RMDN2: variants seen among roughly 807,000 people sequenced by gnomAD.
RMDN2 encodes the protein regulator of microtubule dynamics protein 2.
A neutral mutation model predicts 52.8 loss-of-function variants in RMDN2; 61 were observed. The observed-to-expected ratio is 1.16, with a 90% CI of 0.94 to 1.43. RMDN2 has a LOEUF of 1.43. Ranked by LOEUF, RMDN2 falls within the 40% of genes most tolerant of loss-of-function variation. RMDN2 has a pLI of 0.00. For missense variants in RMDN2, 592 were observed against 475.3 expected (o/e 1.25, Z -2.28); for synonymous variants, 180 against 153.1 (o/e 1.18, Z -1.30).
At chr2:37,982,226 A>G (rs1184648651) in intron 5 of RMDN2, among the ~76,000 whole-genome samples, 1 of 152,100 alleles carries the variant, frequency 6.6e-6, no homozygotes, top group Non-Finnish European at 1.5e-5. Flanking sequence ...TGCCCCACCA[A>G]AATCTGAAGT....
chr2:38,005,800 T>G lies in RMDN2; in HGVS notation c.1179+1584T>G, dbSNP rs1676994176. On this transcript the variant is annotated intron_variant, in intron 10 of 10. Coordinates refer to ENST00000354545, the MANE Select transcript of RMDN2 (RefSeq NM_001170791.3). The stretch of plus-strand genomic sequence containing the variant: ...CCCATGCCTATGTCCTGAATGGTAG[T>G]GCCTAAGTTTTCTCCTAGGGTTTTT... Among the ~76,000 whole-genome samples the G allele has an allele frequency of 3.9e-5, 6 of 152,356 alleles. No individual in the cohort carries two copies. The South Asian group carries it at 1.2e-3, about 32-fold the overall frequency.
chr2:37,971,600 C>G (rs1442807513), intron 2 of RMDN2, among the ~76,000 whole-genome samples: 1 of 151,770 alleles, frequency 6.6e-6, no homozygotes, highest in Non-Finnish European at 1.5e-5. Context: ...AACAATTTTT[C>G]CCATCTGAAT....
chr2:38,011,009 A>G (rs1677907236), intron 10 of RMDN2, among the ~76,000 whole-genome samples: 1 of 152,198 alleles, frequency 6.6e-6, no homozygotes, highest in Non-Finnish European at 1.5e-5. Context: ...GACAGCAGGG[A>G]GTGAAGCAAG....
At position 37,981,319 on chromosome 2, in the gene RMDN2, C is replaced by A; in HGVS notation, c.767C>A (p.Pro256His). The part of the protein sequence containing the change: ...TLSERAINRA[P>H]MNGHCHLWYA... ...AGTGAAAGAGCTATTAATAGAGCAC[C>A]CATGAATGGACATTGTCATCTGTGG... The change falls in exon 5 of 11, where the codon CCC becomes CAC. Residue 256 changes from proline (P) to histidine (H), a missense_variant. Pro to His is a moderately conservative substitution (Grantham distance 77). Coordinates refer to ENST00000354545, the MANE Select transcript of RMDN2 (RefSeq NM_001170791.3). The A allele has an allele frequency of 3.1e-6, 5 of 1,607,298 alleles. No individual in the cohort carries two copies. Among genetic ancestry groups the A allele is most frequent in the Non-Finnish European group, 4.3e-6 (5 of 1,173,912 alleles).
chr2:37,978,564 G>A (rs1444026791), intron 4 of RMDN2, among the ~76,000 whole-genome samples: 1 of 152,100 alleles, frequency 6.6e-6, no homozygotes, highest in Non-Finnish European at 1.5e-5. Context: ...AGTGGCTCAT[G>A]CCTGTAATCC....
At chr2:38,062,868 T>A (rs1343018762) in intron 10 of RMDN2, among the ~76,000 whole-genome samples, 4 of 147,194 alleles carry the variant, frequency 2.7e-5, no homozygotes, top group Non-Finnish European at 6.0e-5. Flanking sequence ...ACATGCGGTG[T>A]TTGGTTTTTT....
chr2:38,024,923 T>C (rs1679665465), intron 10 of RMDN2, among the ~76,000 whole-genome samples: 1 of 152,286 alleles, frequency 6.6e-6, no homozygotes, highest in East Asian at 1.9e-4. Context: ...CCACATCATG[T>C]TGATTAATGT....
chr2:37,924,870 T>C (rs1293510557), upstream of RMDN2, among the ~76,000 whole-genome samples: 4 of 152,176 alleles, frequency 2.6e-5, no homozygotes, highest in Non-Finnish European at 5.9e-5. Flanking sequence ...GCTGCAGATA[T>C]CAGTAATTAG....
intron 10 of RMDN2, among the ~76,000 whole-genome samples, chr2:38,014,055 A>AC (rs1678389011): frequency 2.0e-5 from 3 of 151,992 alleles, no homozygotes; most frequent in African/African-American, 7.3e-5. Context: ...AAAAAAAAAA[A>AC]CACAAAATTA....
In RMDN2 at chr2:37,929,553, A is replaced by C. The variant is rs1666552959; in HGVS notation, c.276A>C (p.Glu92Asp). 1.9e-6 allele frequency: 3 copies of C among 1,551,898 alleles called. No individual in the cohort carries two copies. Among genetic ancestry groups the C allele is most frequent in the Non-Finnish European group, 2.6e-6 (3 of 1,147,004 alleles). ...CAAATATGGAAGAACTCAAAGAGGA[A>C]ATCAGATTTCTTAAAGAAGCTATTC... Reference protein sequence around the residue: ...LLTNMEELKEEIRFLKEAIPK... With the variant: ...LLTNMEELKEDIRFLKEAIPK... The change falls in exon 2 of 11, where the codon GAA (glutamate) becomes GAC (aspartate). Residue 92 changes from glutamate to aspartate, a missense_variant. Physicochemically the swap from Glu to Asp is conservative, Grantham distance 45. Coordinates refer to ENST00000354545, the MANE Select transcript of RMDN2 (RefSeq NM_001170791.3).
chr2:37,981,671 T>C (rs4670802), intron 5 of RMDN2, among the ~76,000 whole-genome samples: 43,544 of 152,090 alleles, frequency 0.29, 6,792 homozygotes, highest in East Asian at 0.64. Flanking sequence ...AGCATGTTTC[T>C]AAATGAAATG....
intron 10 of RMDN2, among the ~76,000 whole-genome samples, chr2:38,058,057 T>C (rs1681910151): frequency 6.6e-6 from 1 of 152,190 alleles, no homozygotes. Flanking sequence ...CCCAGGAAAA[T>C]GTCCGACTCA....
chr2:37,968,046 T>A (rs1194654665), intron 2 of RMDN2, among the ~76,000 whole-genome samples: 1 of 152,224 alleles, frequency 6.6e-6, no homozygotes, highest in African/African-American at 2.4e-5. Flanking sequence ...CCCTCATACT[T>A]ACCAAAGCTC....
At chr2:37,957,840 GT>G (rs745634210) in intron 2 of RMDN2, among the ~76,000 whole-genome samples, 4 of 152,044 alleles carry the variant, frequency 2.6e-5, no homozygotes, top group Non-Finnish European at 5.9e-5. Context: ...TAAGGAAGGG[GT>G]CCAGTTTCAG....
At chr2:38,015,270 G>A (rs1248827456) in intron 10 of RMDN2, among the ~76,000 whole-genome samples, 1 of 152,132 alleles carries the variant, frequency 6.6e-6, no homozygotes, top group Non-Finnish European at 1.5e-5. Context: ...ACAACGATAG[G>A]AATTGTTGAC....
rs893522961 is a variant in RMDN2 at position 37,956,643 on chromosome 2, CT to C, written c.453-17388del. 8.0e-3 allele frequency among the ~76,000 whole-genome samples: 1,211 copies of C among 151,064 alleles called. 12 individuals are homozygous for C. Among genetic ancestry groups the C allele is most frequent in the African/African-American group, 0.028 (1,154 of 41,218 alleles). ...GGTTGTTGATTCGGGACATTACCTT[CT>C]TTTTTTTTCTTCTTTTTTATTTTTT... is the stretch of plus-strand genomic sequence containing the variant. On this transcript the variant is annotated intron_variant, in intron 2 of 10. Transcript: ENST00000354545.
At chr2:38,021,087 C>G (rs1323603712), downstream of RMDN2, among the ~76,000 whole-genome samples, 1 of 152,172 alleles carries the variant, frequency 6.6e-6, no homozygotes, top group Non-Finnish European at 1.5e-5. Flanking sequence ...CACCCTGTGT[C>G]TAGCTCAGGG....
intron 2 of RMDN2, chr2:37,951,637 C>T (rs1381255011): frequency 6.2e-7 from 1 of 1,613,352 alleles, no homozygotes; most frequent in South Asian, 1.1e-5. Context: ...TACAAGAGTG[C>T]CATTTTTTTT....
At chr2:38,010,180 T>G (rs1035344316) in intron 10 of RMDN2, among the ~76,000 whole-genome samples, 6 of 152,196 alleles carry the variant, frequency 3.9e-5, no homozygotes, top group Admixed American at 3.9e-4. Flanking sequence ...GAGGAGGCAG[T>G]CTGTCCATTC....
Sources: gnomAD v4.1 joint callset for allele counts (sites outside exome capture counted in the v4.1 genomes callset) on GRCh38, gnomAD v4.1.1 for gene constraint, MANE v1.5 for transcripts, NCBI Gene and HGNC (gene_info 2026-07-23, HGNC 2026-07-21) for gene names.